SLC39A9: variants seen among roughly 807,000 people sequenced by gnomAD.
SLC39A9 encodes solute carrier family 39 member 9.
A neutral mutation model predicts 28.4 loss-of-function variants in SLC39A9; 14 were observed. The ratio of observed to expected loss-of-function variants is 0.49; its 90% CI spans 0.33 to 0.77. The LOEUF (loss-of-function observed/expected upper bound fraction) is 0.77. SLC39A9 is among the 30% of genes least tolerant of loss of function. The pLI is 0.02. For missense variants in SLC39A9, 283 were observed against 381.1 expected, an observed-to-expected ratio of 0.74 and a Z score of 2.14; for synonymous variants, 119 against 149.6, an observed-to-expected ratio of 0.80 and a Z score of 1.49.
chr14:69,453,610 C>G (rs984805140), intron 4 of SLC39A9, among the ~76,000 whole-genome samples: 1 of 151,960 alleles, frequency 6.6e-6, no homozygotes, highest in Non-Finnish European at 1.5e-5. Context: ...CACAGCCTTG[C>G]CCATGTATTT....
chr14:69,424,894 T>A (rs906341788), intron 2 of SLC39A9, among the ~76,000 whole-genome samples: 1 of 152,212 alleles, frequency 6.6e-6, no homozygotes, highest in African/African-American at 2.4e-5. Flanking sequence ...GTCTACCAGA[T>A]GTTAAGAATA....
At chr14:69,429,601 CCA>C (rs1404705062) in intron 2 of SLC39A9, 1 of 152,194 alleles carries the variant, frequency 6.6e-6, no homozygotes, top group East Asian at 1.9e-4. Context: ...ACCTGTAGTC[CCA>C]GTTACTCGGG....
At chr14:69,403,541 A>C (rs1882751031) in intron 1 of SLC39A9, among the ~76,000 whole-genome samples, 2 of 152,240 alleles carry the variant, frequency 1.3e-5, no homozygotes, top group African/African-American at 4.8e-5. Context: ...CAATACACTT[A>C]TAAAAATGAA....
chr14:69,430,591 C>A (rs1884436955), intron 2 of SLC39A9, among the ~76,000 whole-genome samples: 1 of 150,858 alleles, frequency 6.6e-6, no homozygotes, highest in Non-Finnish European at 1.5e-5. Context: ...ATCTTGAAAT[C>A]AAGTAGTGGA....
chr14:69,446,992 C>T (rs1885358555), intron 3 of SLC39A9, among the ~76,000 whole-genome samples: 1 of 149,010 alleles, frequency 6.7e-6, no homozygotes, highest in African/African-American at 2.5e-5. Context: ...AGAGCACTTG[C>T]TTATAGTAGA....
At chr14:69,404,381 A>G (rs957368350) in intron 1 of SLC39A9, among the ~76,000 whole-genome samples, 1 of 152,226 alleles carries the variant, frequency 6.6e-6, no homozygotes, top group Non-Finnish European at 1.5e-5. Context: ...TGAACAAGCT[A>G]TTAAAATCCA....
At chr14:69,420,253 A>C (rs1257546584) in intron 1 of SLC39A9, among the ~76,000 whole-genome samples, 3 of 152,152 alleles carry the variant, frequency 2.0e-5, no homozygotes, top group Non-Finnish European at 1.5e-5. Flanking sequence ...TCCTTCACTT[A>C]TTAAGCTTAG....
At chr14:69,409,486 T>A (rs1883129268) in intron 1 of SLC39A9, among the ~76,000 whole-genome samples, 1 of 151,848 alleles carries the variant, frequency 6.6e-6, no homozygotes, top group South Asian at 2.1e-4. Flanking sequence ...CTCAGGCATG[T>A]GCCACCAGGC....
intron 1 of SLC39A9, among the ~76,000 whole-genome samples, chr14:69,409,532 T>TCA (rs763941663): frequency 3.9e-5 from 6 of 152,198 alleles, no homozygotes; most frequent in African/African-American, 1.4e-4. Context: ...AGGCAAGGTC[T>TCA]CACTATGTTG....
intron 1 of SLC39A9, among the ~76,000 whole-genome samples, chr14:69,412,617 G>T (rs1883337426): frequency 6.6e-6 from 1 of 152,056 alleles, no homozygotes; most frequent in Non-Finnish European, 1.5e-5. Flanking sequence ...CAAGTCCCCA[G>T]TGCTTTGCTT....
In SLC39A9 at chr14:69,434,344, A is replaced by G. The variant is rs981090154; in HGVS notation, c.206-7725A>G. 6.5e-4 allele frequency among the ~76,000 whole-genome samples: 98 copies of G among 151,344 alleles called. 1 individual carries two copies. The highest frequency in any genetic ancestry group is 1.5e-3 in the Admixed American group (23 of 15,240). On this transcript the variant is annotated intron_variant, in intron 2 of 6. Transcript: ENST00000336643. ...GGTGATCCACCTGCCTCGGCCTCCC[A>G]GAGTACTGGGATTACAGGCGTGAGC...
Position 69,461,414 on chromosome 14 carries a change from A to C in SLC39A9, c.*2821A>C, listed in dbSNP as rs921961463. On this transcript the variant is annotated 3_prime_UTR_variant, in exon 7 of 7. Transcript: ENST00000336643. ...AGTTTTCCTGTGCACACTATTGCCAAATTTTTTTTTAGCAAAGATTCTGCA... is the reference window on the plus strand; with the variant it reads ...AGTTTTCCTGTGCACACTATTGCCACATTTTTTTTTAGCAAAGATTCTGCA... 7.9e-6 allele frequency: 10 copies of C among 1,260,836 alleles called. No individual in the cohort carries two copies. In the African/African-American group the frequency reaches 1.5e-4, roughly 19 times the overall value. 78.1% of individuals were successfully genotyped at this position (1,260,836 alleles called of 1,614,324 possible).
At chr14:69,405,485 C>T (rs923869902) in intron 1 of SLC39A9, among the ~76,000 whole-genome samples, 13 of 152,134 alleles carry the variant, frequency 8.5e-5, no homozygotes, top group African/African-American at 2.9e-4. Flanking sequence ...GGCATGGTGG[C>T]TTATACCTGT....
At chr14:69,415,715 T>C (rs886613468) in intron 1 of SLC39A9, among the ~76,000 whole-genome samples, 1 of 152,110 alleles carries the variant, frequency 6.6e-6, no homozygotes, top group Non-Finnish European at 1.5e-5. Context: ...AGCTTTAGTT[T>C]CCCCTTTTTC....
chr14:69,442,334 A>G, intron 3 of SLC39A9, 68 bp downstream of exon 3: 1 of 1,470,262 alleles, frequency 6.8e-7, no homozygotes, highest in African/African-American at 1.4e-5. Context: ...AAACGATCAA[A>G]TATTTCAGTC....
chr14:69,448,334 A>G (rs961643573), intron 3 of SLC39A9, among the ~76,000 whole-genome samples: 1 of 152,030 alleles, frequency 6.6e-6, no homozygotes, highest in Non-Finnish European at 1.5e-5. Flanking sequence ...CAAAAAAGTC[A>G]CTCTTTGGAG....
chr14:69,432,484 A>G (rs1043356913), intron 2 of SLC39A9, among the ~76,000 whole-genome samples: 1 of 151,876 alleles, frequency 6.6e-6, no homozygotes, highest in Non-Finnish European at 1.5e-5. Context: ...TTTGTGAATA[A>G]TTTCTCCTAT....
intron 2 of SLC39A9, among the ~76,000 whole-genome samples, chr14:69,433,977 G>T (rs1173108553): frequency 6.6e-6 from 1 of 151,854 alleles, no homozygotes; most frequent in Non-Finnish European, 1.5e-5. Flanking sequence ...TAGAGACGGG[G>T]TTTCACCATG....
At chr14:69,440,402 G>A (rs1884985261) in intron 2 of SLC39A9, among the ~76,000 whole-genome samples, 1 of 152,012 alleles carries the variant, frequency 6.6e-6, no homozygotes, top group South Asian at 2.1e-4. Flanking sequence ...TGGGCAACAT[G>A]GCAAAACTAC....
Sources: gnomAD v4.1 joint callset for allele counts (sites outside exome capture counted in the v4.1 genomes callset) on GRCh38, gnomAD v4.1.1 for gene constraint, MANE v1.5 for transcripts, NCBI Gene and HGNC (gene_info 2026-07-23, HGNC 2026-07-21) for gene names.